SLC8A1: variants seen among roughly 807,000 people sequenced by gnomAD.
SLC8A1 encodes the protein sodium/calcium exchanger 1.
In SLC8A1, 18 loss-of-function variants were observed where a neutral mutation model predicts 68.3. The ratio of observed to expected loss-of-function variants is 0.26; its 90% confidence interval spans 0.18 to 0.39. The LOEUF is 0.39. Among genes scored for constraint, SLC8A1 ranks in the 10% least tolerant of loss-of-function variants. SLC8A1 has a pLI of 1.00. For missense variants in SLC8A1, 985 were observed against 1,156.7 expected, an observed-to-expected ratio of 0.85 and a Z score of 2.15; for synonymous variants, 475 against 415.5, an observed-to-expected ratio of 1.14 and a Z score of -1.74.
chr2:40,492,167 C>A (rs1337972846), intron 1 of SLC8A1, among the ~76,000 whole-genome samples: 17 of 152,038 alleles, frequency 1.1e-4, no homozygotes, highest in Non-Finnish European at 2.5e-4. Flanking sequence ...TGGAACAGAA[C>A]AGAGCCCTCA....
chr2:40,098,918 C>A (rs144813525), exon 8 of SLC8A1: 1 of 151,946 alleles, frequency 6.6e-6, no homozygotes, highest in Middle Eastern at 3.2e-3. Flanking sequence ...TTTATAAATA[C>A]CTCCACTTTT....
At chr2:40,167,077 A>G (rs2046673084) in intron 4 of SLC8A1, among the ~76,000 whole-genome samples, 1 of 152,244 alleles carries the variant, frequency 6.6e-6, no homozygotes, top group African/African-American at 2.4e-5. Flanking sequence ...CATTTCATGA[A>G]ATTAAACTGG....
chr2:40,139,283 C>G (rs1325324125), intron 7 of SLC8A1, 118 bp downstream of exon 10: 3 of 1,148,464 alleles, frequency 2.6e-6, no homozygotes, highest in Non-Finnish European at 3.7e-6. Context: ...CCTCAGGGCT[C>G]TCGTCTTTCA....
intron 2 of SLC8A1, among the ~76,000 whole-genome samples, chr2:40,203,887 T>A (rs423066): frequency 0.78 from 118,036 of 151,536 alleles, 46,548 homozygotes; most frequent in Middle Eastern, 0.85. Flanking sequence ...TAATTAAAAA[T>A]TTTTTTTTTG....
At chr2:40,260,356 G>T (rs563592008) in intron 2 of SLC8A1, among the ~76,000 whole-genome samples, 1 of 152,240 alleles carries the variant, frequency 6.6e-6, no homozygotes, top group South Asian at 2.1e-4. Context: ...ATAGGTCTGT[G>T]GTCTCAACTT....
intron 1 of SLC8A1, among the ~76,000 whole-genome samples, chr2:40,499,461 A>C (rs1458625105): frequency 6.6e-6 from 1 of 152,118 alleles, no homozygotes; most frequent in Non-Finnish European, 1.5e-5. Flanking sequence ...GCCAACTTCC[A>C]CTGTTACCAG....
rs1284501576 is a variant in SLC8A1, at chr2:40,314,560, T to C, written c.1808+113913A>G. ...AAAAAATGCTTATTGGGATTTTCAC[T>C]GGAATTACATTGAATCTCTAGATCA... On this transcript the variant is annotated intron_variant, in intron 2 of 7. Transcript: ENST00000406785. Among the ~76,000 whole-genome samples, 5 of 152,016 alleles carry C rather than the reference T, an allele frequency of 3.3e-5. No individual in the cohort carries two copies. The East Asian group carries it at 9.7e-4, about 29-fold the overall frequency.
intron 2 of SLC8A1, among the ~76,000 whole-genome samples, chr2:40,256,036 G>C (rs1312363964): frequency 1.3e-5 from 2 of 152,186 alleles, no homozygotes; most frequent in African/African-American, 4.8e-5. Context: ...TCCTAGTGCT[G>C]TATGGGAACT....
intron 2 of SLC8A1, among the ~76,000 whole-genome samples, chr2:40,284,549 T>C (rs952423281): frequency 6.8e-6 from 1 of 147,220 alleles, no homozygotes; most frequent in Admixed American, 6.9e-5. Flanking sequence ...TATTTATATA[T>C]ATGTTGTTAT....
intron 5 of SLC8A1, among the ~76,000 whole-genome samples, chr2:40,161,361 G>A (rs1558574934): frequency 1.3e-5 from 2 of 152,124 alleles, no homozygotes; most frequent in South Asian, 2.1e-4. Context: ...CTGCTGCATG[G>A]TCATCAATAA....
intron 2 of SLC8A1, among the ~76,000 whole-genome samples, chr2:40,314,110 C>T (rs1201513333): frequency 6.6e-6 from 1 of 151,758 alleles, no homozygotes; most frequent in Non-Finnish European, 1.5e-5. Context: ...CTTTCTTCAC[C>T]GTTTTTTGAA....
chr2:40,404,252 T>C (rs996511742), intron 2 of SLC8A1, among the ~76,000 whole-genome samples: 1 of 152,182 alleles, frequency 6.6e-6, no homozygotes, highest in African/African-American at 2.4e-5. Flanking sequence ...AAAGGCTTCT[T>C]TGTACACAAA....
intron 1 of SLC8A1, among the ~76,000 whole-genome samples, chr2:40,497,977 C>T (rs1349573747): frequency 6.6e-6 from 1 of 151,850 alleles, no homozygotes; most frequent in Non-Finnish European, 1.5e-5. Context: ...ATATAAGAGG[C>T]AGATGGTAAT....
intron 1 of SLC8A1, among the ~76,000 whole-genome samples, chr2:40,470,015 T>G (rs1416521725): frequency 6.6e-6 from 1 of 152,172 alleles, no homozygotes; most frequent in African/African-American, 2.4e-5. Flanking sequence ...TAAAATAACT[T>G]TCTCTCATCG....
chr2:40,346,695 CAG>C (rs1235929911), intron 2 of SLC8A1, among the ~76,000 whole-genome samples: 1 of 152,130 alleles, frequency 6.6e-6, no homozygotes, highest in Non-Finnish European at 1.5e-5. Flanking sequence ...GAGTGCCAAA[CAG>C]AGAAGAATGA....
chr2:40,126,992 G>T (rs1345543080), intron 7 of SLC8A1, among the ~76,000 whole-genome samples: 1 of 152,104 alleles, frequency 6.6e-6, no homozygotes, highest in African/African-American at 2.4e-5. Context: ...GGGTCATATT[G>T]CTTCCTTTGT....
chr2:40,394,480 A>C (rs1018001023), intron 2 of SLC8A1, among the ~76,000 whole-genome samples: 5 of 151,604 alleles, frequency 3.3e-5, no homozygotes, highest in African/African-American at 9.7e-5. Context: ...GTGTGAGTGA[A>C]TTTCTGAAAC....
chr2:40,102,970 T>TA, exon 8 of SLC8A1: 1 of 152,168 alleles, frequency 6.6e-6, no homozygotes, highest in African/African-American at 2.4e-5. Context: ...ACAGAAATAT[T>TA]AGCTATTTTA....
chr2:40,367,683 T>C (rs147544753), intron 2 of SLC8A1, among the ~76,000 whole-genome samples: 2 of 151,996 alleles, frequency 1.3e-5, no homozygotes, highest in African/African-American at 2.4e-5. Context: ...AATCTGAACA[T>C]GTGGGTCCAA....
Sources: allele counts gnomAD v4.1 joint callset (sites outside exome capture counted in the v4.1 genomes callset), GRCh38; gene constraint gnomAD v4.1.1; transcripts MANE v1.5; gene names NCBI Gene and HGNC (gene_info 2026-07-23, HGNC 2026-07-21).